The following HDAC7 variants were observed in gnomAD, a reference collection of about 807,000 sequenced individuals.
The protein encoded by HDAC7 is histone deacetylase 7.
HDAC7 carries 26 observed loss-of-function variants against 115.5 expected under a neutral mutation model. That is an observed-to-expected ratio of 0.23 (90% CI 0.16 to 0.31). The LOEUF is 0.31. Among genes scored for constraint, HDAC7 ranks in the 10% least tolerant of loss-of-function variants. The pLI is 1.00. For synonymous variants in HDAC7, 564 were observed against 550.9 expected, an observed-to-expected ratio of 1.02 and a Z score of -0.33; for missense variants, 1,068 against 1,329.0, an observed-to-expected ratio of 0.80 and a Z score of 3.05.
At position 47,803,948 on chromosome 12, in the gene HDAC7, G is replaced by C. The variant is rs966657871; in HGVS notation, c.20-1674C>G. On this transcript the variant is annotated intron_variant, in intron 1 of 25. Coordinates refer to ENST00000080059, the MANE Select transcript of HDAC7 (RefSeq NM_015401.5). This position sits in a 1 kb window ranked among gnomAD's most constrained non-coding sequence, Gnocchi z 4.0. ...GGTGCACTCCCAGAGACTGTGTCAG[G>C]CTGAGTCCCCTGCCTCCTGGGAATT... Among the ~76,000 whole-genome samples the C allele has an allele frequency of 1.3e-5, 2 of 152,132 alleles. No homozygotes were observed. Among genetic ancestry groups the C allele is most frequent in the African/African-American group, 2.4e-5 (1 of 41,430 alleles).
chr12:47,811,575 C>T (rs56389811), intron 1 of HDAC7, among the ~76,000 whole-genome samples: 24,058 of 152,220 alleles, frequency 0.16, 2,519 homozygotes, highest in Non-Finnish European at 0.23. Context: ...CTGACTGATG[C>T]GTCTGTGATG....
chr12:47,802,649 A>G, intron 1 of HDAC7: 1 of 631,770 alleles, frequency 1.6e-6, no homozygotes, highest in South Asian at 2.0e-5. Context: ...GGGAAAGAAG[A>G]AGGCCAAGAG....
At position 47,799,037 on chromosome 12, in the gene HDAC7, G is replaced by A. The variant is rs563370328; in HGVS notation, c.71-65C>T. 3 of 1,171,268 alleles carry A rather than the reference G, an allele frequency of 2.6e-6. No homozygotes were observed. In the East Asian group the frequency reaches 8.2e-5, roughly 32 times the overall value. The allele number at this position is 1,171,268 out of a possible 1,614,324, so 72.6% of individuals were successfully genotyped here. A position where few individuals can be genotyped will look rare whatever the true frequency, so the allele number is the denominator to read the frequency against. On this transcript the variant is annotated intron_variant, in intron 2 of 25. Coordinates refer to ENST00000080059, the MANE Select transcript of HDAC7 (RefSeq NM_015401.5). ...TGTCCTCGGGGGCATGATACAGCCT[G>A]ATCCCCCCTCAGCCTCCCTCAGGCT...
intron 1 of HDAC7, among the ~76,000 whole-genome samples, chr12:47,810,357 C>G (rs932638956): frequency 1.2e-4 from 18 of 152,308 alleles, no homozygotes; most frequent in Admixed American, 9.8e-4. Flanking sequence ...ACTCCAGAAC[C>G]TAAGCTTAGC....
chr12:47,798,023 G>T lies in HDAC7; in HGVS notation c.461+85C>A. The T allele has an allele frequency of 1.0e-6, 1 of 961,656 alleles. No homozygotes were observed. The highest frequency in any genetic ancestry group is 1.3e-5 in the South Asian group (1 of 77,446). 59.6% of individuals were successfully genotyped at this position (961,656 alleles called of 1,614,324 possible). On this transcript the variant is annotated intron_variant, in intron 5 of 25. Transcript: ENST00000080059. This position sits in a 1 kb window ranked among gnomAD's most constrained non-coding sequence, Gnocchi z 4.3. Reference sequence around the variant, plus strand: ...GGTTGTGGCAACTGGGGAGGAAGGAGGCAAGTGTGTGTGCTCATGGCTAAC... The same window carrying T: ...GGTTGTGGCAACTGGGGAGGAAGGATGCAAGTGTGTGTGCTCATGGCTAAC...
In HDAC7 at chr12:47,793,342, C is replaced by T. The variant is rs1024141279; in HGVS notation, c.1678+27G>A. Reference sequence around the variant, plus strand: ...ACTCGTGCAGCCGAGCCCCTCCCTCCACCCGCCACCCTCCTCCCGGTCTCA... The same window carrying T: ...ACTCGTGCAGCCGAGCCCCTCCCTCTACCCGCCACCCTCCTCCCGGTCTCA... On this transcript the variant is annotated intron_variant, in intron 13 of 25. Transcript: ENST00000080059. This position sits in a 1 kb window ranked among gnomAD's most constrained non-coding sequence, Gnocchi z 4.5. The T allele has an allele frequency of 2.1e-6, 3 of 1,397,868 alleles. No homozygotes were observed. The highest frequency in any genetic ancestry group is 2.9e-6 in the Non-Finnish European group (3 of 1,033,332). 86.6% of individuals were successfully genotyped at this position (1,397,868 alleles called of 1,614,324 possible).
chr12:47,789,848 C>T lies in HDAC7; in HGVS notation c.2056G>A (p.Asp686Asn), dbSNP rs1438225264. 3 of 1,613,784 alleles carry T rather than the reference C, an allele frequency of 1.9e-6. No homozygotes were observed. Among genetic ancestry groups the T allele is most frequent in the Non-Finnish European group, 2.5e-6 (3 of 1,180,014 alleles). Residue 686 changes from aspartate (D) to asparagine (N), a missense_variant, in exon 17 of 26, where the codon GAC becomes AAC. Transcript: ENST00000080059. Reference protein sequence around the residue: ...AARWAAGSVTDLAFKVASREL... With the variant: ...AARWAAGSVTNLAFKVASREL... Reference sequence around the variant, plus strand: ...CGAGAAGCCACTTTGAAGGCGAGGTCAGTGACACTGCCAGCGGCCCAGCGG... The same window carrying T: ...CGAGAAGCCACTTTGAAGGCGAGGTTAGTGACACTGCCAGCGGCCCAGCGG...
intron 2 of HDAC7, among the ~76,000 whole-genome samples, chr12:47,801,966 C>T (rs1944186228): frequency 6.6e-6 from 1 of 152,202 alleles, no homozygotes; most frequent in South Asian, 2.1e-4. Context: ...TCCTGTTTCA[C>T]TGCTCCCAGC....
At position 47,819,802 on chromosome 12, in the gene HDAC7, T is replaced by A; in HGVS notation, c.-17A>T. On this transcript the variant is annotated 5_prime_UTR_variant, in exon 1 of 26. An upstream open reading frame in the 5' UTR loses its in-frame stop. Transcript: ENST00000080059. Reference sequence around the variant, plus strand: ...GCTGTGCATCCAGGGGCCGGGGCCCTCAGAGCGGGGGGCTCATGGCGGGGC... The same window carrying A: ...GCTGTGCATCCAGGGGCCGGGGCCCACAGAGCGGGGGGCTCATGGCGGGGC... 3.2e-6 allele frequency: 1 copy of A among 309,380 alleles called. No individual in the cohort carries two copies. Among genetic ancestry groups the A allele is most frequent in the Non-Finnish European group, 4.5e-6 (1 of 221,898 alleles). 19.2% of individuals were successfully genotyped at this position (309,380 alleles called of 1,614,324 possible). A position where few individuals can be genotyped will look rare whatever the true frequency, so the allele number is the denominator to read the frequency against.
chr12:47,792,491 T>A, intron 13 of HDAC7: 1 of 370,878 alleles, frequency 2.7e-6, no homozygotes, highest in South Asian at 2.0e-5. Flanking sequence ...CACTGGACCA[T>A]GTGATAGACA....
intron 1 of HDAC7, among the ~76,000 whole-genome samples, chr12:47,812,195 A>G (rs549233962): frequency 6.6e-6 from 1 of 152,260 alleles, no homozygotes; most frequent in African/African-American, 2.4e-5. Flanking sequence ...CCTCACTGGG[A>G]GAGGCTGGGA....
intron 24 of HDAC7, chr12:47,784,990 A>T (rs931887045): frequency 5.1e-6 from 3 of 592,528 alleles, no homozygotes; most frequent in Non-Finnish European, 8.9e-6. Flanking sequence ...TGTGGGGGTT[A>T]TCCCAAGACG....
intron 1 of HDAC7, among the ~76,000 whole-genome samples, chr12:47,819,480 C>T (rs557825578): frequency 6.6e-6 from 1 of 152,124 alleles, no homozygotes; most frequent in Admixed American, 6.5e-5. Context: ...CAACTCCCTC[C>T]CTTGGGCCTG....
Position 47,793,550 on chromosome 12 carries a change from G to C in HDAC7, c.1497C>G (p.Leu499=), listed in dbSNP as rs1196349321. Residue 499 remains leucine, a synonymous_variant, in exon 13 of 26, where the codon CTC becomes CTG. Transcript: ENST00000080059. This position sits in a 1 kb window ranked among gnomAD's most constrained non-coding sequence, Gnocchi z 4.5. ...CAGTGTCCCCGGTGCTGCCCCGGGGGAGCCGCCCAGCCAGTCGCTGCTGTT... is the reference window on the plus strand; with the variant it reads ...CAGTGTCCCCGGTGCTGCCCCGGGGCAGCCGCCCAGCCAGTCGCTGCTGTT... ...LWEQQRLAGR[L]PRGSTGDTVL... is the part of the protein sequence containing the mutation. 5 of 1,546,004 alleles carry C rather than the reference G, an allele frequency of 3.2e-6. No individual in the cohort carries two copies. Among genetic ancestry groups the C allele is most frequent in the East Asian group, 2.4e-5 (1 of 40,876 alleles).
intron 1 of HDAC7, among the ~76,000 whole-genome samples, chr12:47,811,625 G>A (rs1565587039): frequency 6.6e-6 from 1 of 152,324 alleles, no homozygotes; most frequent in East Asian, 1.9e-4. Context: ...TCCTGTCTGA[G>A]TATCCACAAT....
intron 1 of HDAC7, among the ~76,000 whole-genome samples, chr12:47,816,195 GATCTTT>G (rs1270598920): frequency 7.9e-5 from 12 of 151,996 alleles, no homozygotes; most frequent in African/African-American, 1.2e-4. Flanking sequence ...CCCGGCCCAG[GATCTTT>G]ATCTTTAACA....
rs181623619 is a variant in HDAC7 at position 47,784,327 on chromosome 12, G to A, written c.2792-110C>T. 677 of 1,246,704 alleles carry A rather than the reference G, an allele frequency of 5.4e-4. No individual in the cohort carries two copies. In the African/African-American group the frequency reaches 8.6e-3, roughly 16 times the overall value. The allele number at this position is 1,246,704 out of a possible 1,614,324, so 77.2% of individuals were successfully genotyped here. On this transcript the variant is annotated intron_variant, in intron 24 of 25. Coordinates refer to ENST00000080059, the MANE Select transcript of HDAC7 (RefSeq NM_015401.5). ...CTCAGGCCCAGGGCCCCGGAGGAGC[G>A]GGCCTGTCCTCCACTTAGGGTCGGC... is the stretch of plus-strand genomic sequence containing the variant.
In HDAC7 at chr12:47,795,907, C is replaced by T; in HGVS notation, c.905G>A (p.Arg302Lys). ...GGGGTGGGCACCCCAGCCACTCACC[C>T]TGGCAGGGGCGGGCAGCCCCAGAGT... ...AITLGLPAPA[R>K]ADSDRRTHPT... The change falls in exon 9 of 26, where the codon AGG becomes AAG. Residue 302 changes from arginine to lysine, a missense_variant and splice_region_variant. Physicochemically the swap from Arg to Lys is conservative, Grantham distance 26. This residue lies in a region of HDAC7 where 618 missense variants were observed against 701.5 expected (regional missense o/e 0.88). Coordinates refer to ENST00000080059, the MANE Select transcript of HDAC7 (RefSeq NM_015401.5). This position sits in a 1 kb window ranked among gnomAD's most constrained non-coding sequence, Gnocchi z 4.3. 1 of 1,548,688 alleles carries T rather than the reference C, an allele frequency of 6.5e-7. No homozygotes were observed. Among genetic ancestry groups the T allele is most frequent in the Non-Finnish European group, 8.7e-7 (1 of 1,146,834 alleles).
Position 47,798,947 on chromosome 12 carries a change from T to C in HDAC7, c.96A>G (p.Thr32=), listed in dbSNP as rs1384207834. The C allele has an allele frequency of 1.3e-6, 2 of 1,521,512 alleles. No homozygotes were observed. Among genetic ancestry groups the C allele is most frequent in the Middle Eastern group, 1.9e-4 (1 of 5,224 alleles). 94.3% of individuals were successfully genotyped at this position (1,521,512 alleles called of 1,614,324 possible). A position where few individuals can be genotyped will look rare whatever the true frequency, so the allele number is the denominator to read the frequency against. The change falls in exon 3 of 26, where the codon ACA becomes ACG. Residue 32 remains threonine (T), a synonymous_variant. Transcript: ENST00000080059. This position sits in a 1 kb window ranked among gnomAD's most constrained non-coding sequence, Gnocchi z 4.3. ...CCATGGGCTGCGGCTGAGGGCCTGG[T>C]GTGTCTGCACAGGGCCTGGGGCAGC... ...GAGCPRPCAD[T]PGPQPQPMDL...
Sources: allele counts gnomAD v4.1 joint callset (sites outside exome capture counted in the v4.1 genomes callset), GRCh38; gene constraint gnomAD v4.1.1; regional missense constraint gnomAD v4.1.1; non-coding constraint Gnocchi (gnomAD v3.1); transcripts MANE v1.5; gene names NCBI Gene and HGNC (gene_info 2026-07-23, HGNC 2026-07-21).